CYP4F3: variants seen among roughly 807,000 people sequenced by gnomAD.
CYP4F3 encodes the protein cytochrome P450 4F3.
CYP4F3 carries 50 observed loss-of-function variants against 54.8 expected under a neutral mutation model. The observed-to-expected ratio is 0.91, with a 90% confidence interval of 0.73 to 1.16. The LOEUF (loss-of-function observed/expected upper bound fraction) is 1.16. CYP4F3 is among the 50% of genes most tolerant of loss of function. CYP4F3 has a pLI of 0.00. For synonymous variants in CYP4F3, 244 were observed against 262.6 expected, an observed-to-expected ratio of 0.93 and a Z score of 0.69; for missense variants, 715 against 676.2, an observed-to-expected ratio of 1.06 and a Z score of -0.64.
At chr19:15,650,961 T>C (rs1189689789) in intron 7 of CYP4F3, among the ~76,000 whole-genome samples, 1 of 149,230 alleles carries the variant, frequency 6.7e-6, no homozygotes, top group African/African-American at 2.5e-5. Flanking sequence ...TGGTAACCCC[T>C]GCCTCCCGGG....
chr19:15,658,943 G>C (rs900170045), intron 12 of CYP4F3, 134 bp downstream of exon 12: 1 of 1,327,982 alleles, frequency 7.5e-7, no homozygotes, highest in Non-Finnish European at 1.0e-6. Flanking sequence ...TGGAGTTTAT[G>C]GGAAAAGGCC....
At chr19:15,645,904 G>T in intron 3 of CYP4F3, 41 bp downstream of exon 3, 1 of 1,531,938 alleles carries the variant, frequency 6.5e-7, no homozygotes, top group Non-Finnish European at 8.8e-7. Context: ...CACTGCACTG[G>T]CCACGCCTTG....
intron 9 of CYP4F3, among the ~76,000 whole-genome samples, chr19:15,656,653 T>C (rs1973028984): frequency 6.6e-6 from 1 of 152,116 alleles, no homozygotes; most frequent in Non-Finnish European, 1.5e-5. Context: ...TATGTAACTA[T>C]GTCTCCATCA....
chr19:15,644,050 A>G, intron 2 of CYP4F3: 1 of 1,580,232 alleles, frequency 6.3e-7, no homozygotes, highest in Non-Finnish European at 8.6e-7. Flanking sequence ...TCAACGCCTC[A>G]GGTACCACCT....
intron 3 of CYP4F3, 54 bp downstream of exon 3, chr19:15,645,917 C>T: frequency 6.6e-7 from 1 of 1,517,564 alleles, no homozygotes; most frequent in Non-Finnish European, 8.9e-7. Flanking sequence ...ACGCCTTGCC[C>T]ACAGCTGGGG....
At chr19:15,652,673 A>G (rs1568399646) in intron 8 of CYP4F3, 38 bp downstream of exon 8, 6 of 1,613,810 alleles carry the variant, frequency 3.7e-6, no homozygotes, top group Non-Finnish European at 5.1e-6. Context: ...GGGGACTTGG[A>G]TATCTCCATT....
chr19:15,647,884 G>A (rs1972677686), intron 5 of CYP4F3, among the ~76,000 whole-genome samples: 1 of 152,142 alleles, frequency 6.6e-6, no homozygotes, highest in Non-Finnish European at 1.5e-5. Context: ...CCTCCAGAAG[G>A]AGTCCCATGG....
At chr19:15,653,082 C>G in intron 9 of CYP4F3, 130 bp downstream of exon 9, 1 of 1,366,428 alleles carries the variant, frequency 7.3e-7, no homozygotes, top group Non-Finnish European at 9.7e-7. Flanking sequence ...AGCAGAGGAC[C>G]ACAGGCAGGA....
intron 9 of CYP4F3, among the ~76,000 whole-genome samples, chr19:15,654,263 T>C (rs1972955725): frequency 6.6e-6 from 1 of 152,268 alleles, no homozygotes; most frequent in Non-Finnish European, 1.5e-5. Flanking sequence ...TGATGCATAA[T>C]AGATGCACAT....
At chr19:15,641,736 G>T in intron 2 of CYP4F3, 123 bp downstream of exon 2, 1 of 1,117,894 alleles carries the variant, frequency 8.9e-7, no homozygotes, top group Non-Finnish European at 1.3e-6. Context: ...CAGGGGAGGC[G>T]TCTTACTCAT....
chr19:15,642,787 A>G lies in CYP4F3; in HGVS notation c.198+1174A>G, dbSNP rs1189857767. Among the ~76,000 whole-genome samples the G allele has an allele frequency of 6.6e-5, 10 of 151,514 alleles. No homozygotes were observed. In the East Asian group the frequency reaches 2.0e-3, roughly 30 times the overall value. Reference sequence around the variant, plus strand: ...GGATGGATGCACAGATAGGGTGAATAGATGGCTGGCTGGCTGGATAAGTAG... The same window carrying G: ...GGATGGATGCACAGATAGGGTGAATGGATGGCTGGCTGGCTGGATAAGTAG... On this transcript the variant is annotated intron_variant, in intron 2 of 12. Coordinates refer to ENST00000221307, the MANE Select transcript of CYP4F3 (RefSeq NM_000896.3).
At chr19:15,656,463 A>T (rs558607375) in intron 9 of CYP4F3, among the ~76,000 whole-genome samples, 99 of 144,276 alleles carry the variant, frequency 6.9e-4, no homozygotes, top group Middle Eastern at 3.4e-3. Context: ...AGAGCCATAG[A>T]TTTGTTTATC....
chr19:15,658,190 T>C lies in CYP4F3; in HGVS notation c.1116-74T>C, dbSNP rs1311443321. On this transcript the variant is annotated intron_variant, in intron 9 of 12. Transcript: ENST00000221307. ...TCGTTACAGGGAGAAAAGGTCTCAC[T>C]TGCAAACAGAGAGAAGCTGGAGAGT... 5 of 1,580,092 alleles carry C rather than the reference T, an allele frequency of 3.2e-6. No homozygotes were observed. The South Asian group carries it at 3.5e-5, about 11-fold the overall frequency.
intron 7 of CYP4F3, among the ~76,000 whole-genome samples, chr19:15,651,258 A>G (rs1353898918): frequency 7.3e-6 from 1 of 136,270 alleles, no homozygotes; most frequent in African/African-American, 2.6e-5. Flanking sequence ...GTCTGTGTCT[A>G]TGTCTTTTTC....
Position 15,658,348 on chromosome 19 carries a change from C to A in CYP4F3, c.1200C>A (p.Arg400=). ...RLHPPVPAVS[R]CCTQDIVLPD... ...ATCCCCCAGTCCCTGCCGTCTCTCG[C>A]TGCTGCACCCAAGACATTGTGCTCC... Residue 400 remains arginine (R), a synonymous_variant, in exon 10 of 13, where the codon CGC becomes CGA. Coordinates refer to ENST00000221307, the MANE Select transcript of CYP4F3 (RefSeq NM_000896.3). 1 of 1,614,186 alleles carries A rather than the reference C, an allele frequency of 6.2e-7. No homozygotes were observed. Among genetic ancestry groups the A allele is most frequent in the South Asian group, 1.1e-5 (1 of 91,076 alleles).
chr19:15,643,237 G>C (rs1400429786), intron 2 of CYP4F3, among the ~76,000 whole-genome samples: 1 of 140,040 alleles, frequency 7.1e-6, no homozygotes, highest in African/African-American at 3.0e-5. Context: ...TGAATGGATA[G>C]ATAGACAGAT....
chr19:15,650,808 CTCTT>C (rs754901864), intron 7 of CYP4F3, among the ~76,000 whole-genome samples: 2,004 of 12,804 alleles, frequency 0.16, 491 homozygotes, highest in Middle Eastern at 0.19. Flanking sequence ...TCTCTCTCTT[CTCTT>C]TCTTTCTTTC....
At chr19:15,658,113 C>G in intron 9 of CYP4F3, 151 bp from the exon 10 acceptor site, 1 of 1,513,444 alleles carries the variant, frequency 6.6e-7, no homozygotes, top group Non-Finnish European at 8.8e-7. Flanking sequence ...GCAACAGTGT[C>G]ACACTGTTTT....
At chr19:15,658,882 G>A (rs964865319) in intron 12 of CYP4F3, 73 bp downstream of exon 12, 27 of 1,556,510 alleles carry the variant, frequency 1.7e-5, no homozygotes, top group East Asian at 2.3e-5. Context: ...GTGGGGAAAA[G>A]GGGGACATTG....
Sources: gnomAD v4.1 joint callset for allele counts (sites outside exome capture counted in the v4.1 genomes callset) on GRCh38, gnomAD v4.1.1 for gene constraint, MANE v1.5 for transcripts, NCBI Gene and HGNC (gene_info 2026-07-23, HGNC 2026-07-21) for gene names.